AFG2A: variants seen among roughly 807,000 people sequenced by gnomAD.
AFG2A encodes ATPase family gene 2 protein homolog A.
the AFG2A span, among the ~76,000 whole-genome samples, chr4:123,050,238 A>G: frequency 6.6e-6 from 1 of 152,124 alleles, no homozygotes; most frequent in Non-Finnish European, 1.5e-5. Flanking sequence ...TCTATCCTGG[A>G]TAATGTGCCA....
chr4:123,181,916 G>T, the AFG2A span, among the ~76,000 whole-genome samples: 1 of 152,122 alleles, frequency 6.6e-6, no homozygotes. Flanking sequence ...GTCATGTTAA[G>T]TTTGATTAAT....
the AFG2A span, among the ~76,000 whole-genome samples, chr4:123,244,603 G>A: frequency 2.6e-5 from 4 of 152,198 alleles, no homozygotes; most frequent in African/African-American, 9.7e-5. Context: ...GATGGAGAGG[G>A]AAAAGAAGAC....
At chr4:123,033,707 A>G in the AFG2A span, among the ~76,000 whole-genome samples, 2 of 152,222 alleles carry the variant, frequency 1.3e-5, no homozygotes. Flanking sequence ...TCACGATGAA[A>G]AGAACACTAA....
the AFG2A span, among the ~76,000 whole-genome samples, chr4:122,983,242 CTAA>C: frequency 1.3e-5 from 2 of 152,122 alleles, no homozygotes; most frequent in East Asian, 3.8e-4. Flanking sequence ...GAAAAAACAA[CTAA>C]TGTTGATCTT....
the AFG2A span, among the ~76,000 whole-genome samples, chr4:122,936,696 T>A: frequency 0.041 from 6,246 of 151,680 alleles, 413 homozygotes; most frequent in African/African-American, 0.14. Flanking sequence ...ATAAAAATAA[T>A]TGGCTGGGTG....
At chr4:123,290,488 T>C in the AFG2A span, among the ~76,000 whole-genome samples, 84 of 152,262 alleles carry the variant, frequency 5.5e-4, 1 homozygote, top group Non-Finnish European at 9.4e-4. Context: ...TCATAAAAGA[T>C]TGTTGGCTAT....
chr4:123,058,780 T>C, the AFG2A span, among the ~76,000 whole-genome samples: 1 of 150,010 alleles, frequency 6.7e-6, no homozygotes, highest in Non-Finnish European at 1.5e-5. Context: ...CAAGATGAGA[T>C]TTGGGTGGAG....
chr4:123,212,592 T>TA, the AFG2A span, among the ~76,000 whole-genome samples: 1 of 152,162 alleles, frequency 6.6e-6, no homozygotes, highest in South Asian at 2.1e-4. Context: ...GTTGATTTTT[T>TA]AAAATATGAA....
the AFG2A span, among the ~76,000 whole-genome samples, chr4:123,058,814 G>GT: frequency 1.2e-4 from 3 of 24,908 alleles, no homozygotes; most frequent in Non-Finnish European, 3.2e-4. Flanking sequence ...ATATCATTCC[G>GT]CCCCGGCCCC....
At chr4:123,183,567 TTACA>T in the AFG2A span, among the ~76,000 whole-genome samples, 7 of 152,332 alleles carry the variant, frequency 4.6e-5, no homozygotes, top group African/African-American at 1.7e-4. Context: ...TGTAGTTTTC[TTACA>T]AGACTTGACA....
At chr4:123,103,909 A>T in the AFG2A span, among the ~76,000 whole-genome samples, 5 of 152,146 alleles carry the variant, frequency 3.3e-5, no homozygotes, top group African/African-American at 1.2e-4. Context: ...TATACACTAT[A>T]CTGACATTGT....
chr4:123,085,905 A>C, the AFG2A span, among the ~76,000 whole-genome samples: 1 of 151,808 alleles, frequency 6.6e-6, no homozygotes, highest in South Asian at 2.1e-4. Context: ...TAAGTTTTGC[A>C]ATATATTTCT....
the AFG2A span, among the ~76,000 whole-genome samples, chr4:123,268,933 A>G: frequency 2.0e-5 from 3 of 152,228 alleles, no homozygotes; most frequent in African/African-American, 7.2e-5. Flanking sequence ...TCAAGTTGTC[A>G]CTATTTGACT....
At chr4:123,001,813 A>G in the AFG2A span, among the ~76,000 whole-genome samples, 4 of 151,552 alleles carry the variant, frequency 2.6e-5, no homozygotes, top group South Asian at 4.2e-4. Context: ...GTAGATGTCT[A>G]TTAGGTCTGC....
chr4:123,205,289 T>C, the AFG2A span, among the ~76,000 whole-genome samples: 1 of 152,162 alleles, frequency 6.6e-6, no homozygotes, highest in Non-Finnish European at 1.5e-5. Flanking sequence ...TCAGATAGAC[T>C]TAGCTTACAT....
chr4:123,035,862 A>C, the AFG2A span, among the ~76,000 whole-genome samples: 1 of 152,142 alleles, frequency 6.6e-6, no homozygotes, highest in African/African-American at 2.4e-5. Context: ...AAGAAGGATA[A>C]TTTTATAAGG....
At chr4:123,221,903 A>G in the AFG2A span, among the ~76,000 whole-genome samples, 20,681 of 152,016 alleles carry the variant, frequency 0.14, 4,193 homozygotes, top group African/African-American at 0.44. Context: ...TTCCAGCCTG[A>G]GCAACAAGAA....
the AFG2A span, among the ~76,000 whole-genome samples, chr4:123,016,491 G>A: frequency 1.5e-4 from 23 of 150,224 alleles, no homozygotes; most frequent in African/African-American, 4.9e-4. Flanking sequence ...ACGGGGTGGC[G>A]GGGCAGAGGC....
the AFG2A span, among the ~76,000 whole-genome samples, chr4:123,157,094 C>A: frequency 6.6e-6 from 1 of 152,056 alleles, no homozygotes; most frequent in African/African-American, 2.4e-5. Context: ...TGGCTCACTG[C>A]AACCTCCACC....
Sources: gnomAD v4.1 joint callset for allele counts (sites outside exome capture counted in the v4.1 genomes callset) on GRCh38, gnomAD v4.1.1 for gene constraint, MANE v1.5 for transcripts, NCBI Gene and HGNC (gene_info 2026-07-23, HGNC 2026-07-21) for gene names.